Variants in TRPS1 observed in about 807,000 individuals in gnomAD.
TRPS1 encodes the protein transcriptional repressor GATA binding 1, also known as zinc finger transcription factor Trps1.
A neutral mutation model predicts 101.2 loss-of-function variants in TRPS1; 6 were observed. The ratio of observed to expected loss-of-function variants is 0.06; its 90% CI spans 0.03 to 0.12. The LOEUF is 0.12. Among genes scored for constraint, TRPS1 ranks in the 10% least tolerant of loss-of-function variants. The pLI is 1.00. For missense variants in TRPS1, 1,363 were observed against 1,567.0 expected (o/e 0.87, Z 2.20); for synonymous variants, 578 against 589.8 (o/e 0.98, Z 0.29).
At chr8:115,638,118 G>T (rs1202036189) in intron 1 of TRPS1, among the ~76,000 whole-genome samples, 1 of 152,156 alleles carries the variant, frequency 6.6e-6, no homozygotes, top group Admixed American at 6.5e-5. Flanking sequence ...GGGCCAGGAA[G>T]GCTTCAACAC....
intron 5 of TRPS1, among the ~76,000 whole-genome samples, chr8:115,525,994 C>T (rs186408577): frequency 6.6e-6 from 1 of 152,004 alleles, no homozygotes; most frequent in Non-Finnish European, 1.5e-5. Context: ...TACTGTTGGG[C>T]AATAAATTAT....
chr8:115,614,112 G>A (rs1046262561), intron 3 of TRPS1, among the ~76,000 whole-genome samples: 10 of 152,094 alleles, frequency 6.6e-5, no homozygotes, highest in African/African-American at 2.4e-4. Flanking sequence ...TTGTATATCT[G>A]TGTTTCTAAC....
intron 5 of TRPS1, among the ~76,000 whole-genome samples, chr8:115,448,636 C>T (rs1813795640): frequency 6.6e-6 from 1 of 152,166 alleles, no homozygotes; most frequent in South Asian, 2.1e-4. Flanking sequence ...ATTCATCTCT[C>T]ACTTTATCAC....
At chr8:115,638,725 C>T (rs549453365) in intron 1 of TRPS1, among the ~76,000 whole-genome samples, 11 of 152,206 alleles carry the variant, frequency 7.2e-5, no homozygotes, top group South Asian at 2.1e-4. Flanking sequence ...GTGGTTTTGG[C>T]GGGGTTTTTA....
chr8:115,652,590 A>G (rs925735127), intron 1 of TRPS1, among the ~76,000 whole-genome samples: 3 of 152,204 alleles, frequency 2.0e-5, no homozygotes, highest in African/African-American at 7.2e-5. Flanking sequence ...AGCCATATTC[A>G]ATATTTGTTG....
chr8:115,590,610 C>T (rs1306032854), intron 4 of TRPS1, among the ~76,000 whole-genome samples: 1 of 152,188 alleles, frequency 6.6e-6, no homozygotes, highest in Non-Finnish European at 1.5e-5. Context: ...GGTAGACTCT[C>T]AGTTCTTACT....
chr8:115,654,624 C>G (rs1811638606), intron 1 of TRPS1, among the ~76,000 whole-genome samples: 2 of 152,100 alleles, frequency 1.3e-5, no homozygotes, highest in South Asian at 4.1e-4. Flanking sequence ...AATGTTAAAG[C>G]TGCTTTAAGC....
chr8:115,643,751 T>C (rs1239874748), intron 1 of TRPS1, among the ~76,000 whole-genome samples: 1 of 152,252 alleles, frequency 6.6e-6, no homozygotes, highest in Non-Finnish European at 1.5e-5. Context: ...TGATGTATCC[T>C]TTCCAGAAGG....
chr8:115,660,187 T>A (rs1173793680), intron 1 of TRPS1, among the ~76,000 whole-genome samples: 2 of 151,954 alleles, frequency 1.3e-5, no homozygotes, highest in Non-Finnish European at 2.9e-5. Context: ...ATCTTCCATA[T>A]GATATGTAGA....
chr8:115,657,587 T>C (rs759579603), intron 1 of TRPS1, among the ~76,000 whole-genome samples: 1 of 152,120 alleles, frequency 6.6e-6, no homozygotes, highest in Non-Finnish European at 1.5e-5. Context: ...CTTTCAAGTA[T>C]TCTTCTGCCC....
chr8:115,527,883 G>A (rs1239936328), intron 5 of TRPS1, among the ~76,000 whole-genome samples: 6 of 152,076 alleles, frequency 3.9e-5, no homozygotes, highest in Non-Finnish European at 7.4e-5. Flanking sequence ...GTCAGAATCT[G>A]AGTAAGGTAC....
intron 5 of TRPS1, among the ~76,000 whole-genome samples, chr8:115,581,318 G>T (rs1020499681): frequency 1.3e-5 from 2 of 152,096 alleles, no homozygotes; most frequent in African/African-American, 4.8e-5. Flanking sequence ...TAGCTAGACG[G>T]GAGGAGTAAG....
chr8:115,435,821 T>A (rs1817028273), intron 5 of TRPS1, among the ~76,000 whole-genome samples: 1 of 152,160 alleles, frequency 6.6e-6, no homozygotes, highest in Non-Finnish European at 1.5e-5. Flanking sequence ...TCTTATTACT[T>A]TAAATTATCG....
chr8:115,606,785 G>A (rs1036585659), intron 3 of TRPS1, among the ~76,000 whole-genome samples: 7 of 143,492 alleles, frequency 4.9e-5, no homozygotes, highest in African/African-American at 1.6e-4. Context: ...ATTCACTGGA[G>A]GTAAAGAGAA....
chr8:115,458,288 T>G (rs1450165892), intron 5 of TRPS1, among the ~76,000 whole-genome samples: 1 of 152,100 alleles, frequency 6.6e-6, no homozygotes, highest in East Asian at 1.9e-4. Context: ...GTAAATGGGG[T>G]ATGGTATATA....
At chr8:115,462,674 C>T (rs1220654438) in intron 5 of TRPS1, among the ~76,000 whole-genome samples, 1 of 132,596 alleles carries the variant, frequency 7.5e-6, no homozygotes. Flanking sequence ...CTCAAGAAAT[C>T]AAAGGCATGC....
chr8:115,637,278 C>A, intron 1 of TRPS1: 1 of 985,332 alleles, frequency 1.0e-6, no homozygotes, highest in Non-Finnish European at 1.2e-6. Flanking sequence ...AATCTTGAAT[C>A]CCAGTTGATG....
At chr8:115,563,752 G>C (rs1817003493) in intron 5 of TRPS1, among the ~76,000 whole-genome samples, 1 of 151,990 alleles carries the variant, frequency 6.6e-6, no homozygotes, top group South Asian at 2.1e-4. Context: ...CTGTCATAAT[G>C]CTTAAACTCC....
At chr8:115,616,525 C>CTTT (rs58999466) in intron 3 of TRPS1, among the ~76,000 whole-genome samples, 13 of 138,302 alleles carry the variant, frequency 9.4e-5, no homozygotes, top group African/African-American at 3.1e-4. Flanking sequence ...GCTTCTGTTA[C>CTTT]TTTTTTTTTT....
Sources: allele counts gnomAD v4.1 joint callset (sites outside exome capture counted in the v4.1 genomes callset), GRCh38; gene constraint gnomAD v4.1.1; transcripts MANE v1.5; gene names NCBI Gene and HGNC (gene_info 2026-07-23, HGNC 2026-07-21).